CACNA2D1: variants seen among roughly 807,000 people sequenced by gnomAD.
CACNA2D1 encodes the protein calcium voltage-gated channel auxiliary subunit alpha2delta 1.
CACNA2D1 carries 53 observed loss-of-function variants against 171.5 expected under a neutral mutation model. The ratio of observed to expected loss-of-function variants is 0.31; its 90% CI spans 0.25 to 0.39. CACNA2D1 has a LOEUF of 0.39. CACNA2D1 is among the 10% of genes least tolerant of loss of function. The probability of loss-of-function intolerance (pLI) is 1.00; values close to 1 mark genes in which losing one functional copy is unlikely to be tolerated. For synonymous variants in CACNA2D1, 442 were observed against 443.1 expected, an observed-to-expected ratio of 1.00 and a Z score of 0.03; for missense variants, 903 against 1,299.8, an observed-to-expected ratio of 0.69 and a Z score of 4.69.
intron 3 of CACNA2D1, among the ~76,000 whole-genome samples, chr7:82,249,918 T>G (rs1466849064): frequency 6.6e-6 from 1 of 152,214 alleles, no homozygotes; most frequent in African/African-American, 2.4e-5. Flanking sequence ...CTTAGTCCAT[T>G]TTCTGCTGCT....
chr7:82,067,428 T>C lies in CACNA2D1; in HGVS notation c.659-904A>G, dbSNP rs1807783181. 1.3e-5 allele frequency among the ~76,000 whole-genome samples: 2 copies of C among 152,198 alleles called. 1 individual carries two copies. The highest frequency in any genetic ancestry group is 4.1e-4 in the South Asian group (2 of 4,836). ...AAACTGTGGAAATTATGAAGAACTTTACTGAGAGTCAGGTTTATTAGCCAA... is the reference window on the plus strand; with the variant it reads ...AAACTGTGGAAATTATGAAGAACTTCACTGAGAGTCAGGTTTATTAGCCAA... On this transcript the variant is annotated intron_variant, in intron 7 of 38. Coordinates refer to ENST00000356860, the MANE Select transcript of CACNA2D1 (RefSeq NM_000722.4).
At chr7:82,251,045 G>A (rs38554) in intron 3 of CACNA2D1, among the ~76,000 whole-genome samples, 86,168 of 151,958 alleles carry the variant, frequency 0.57, 26,687 homozygotes, top group African/African-American at 0.84. Context: ...CACATAACAA[G>A]TCAGATATCT....
At chr7:82,385,647 GTTGTTTTGTTTTGTT>G (rs36232215) in intron 1 of CACNA2D1, among the ~76,000 whole-genome samples, 1 of 145,954 alleles carries the variant, frequency 6.9e-6, no homozygotes, top group Non-Finnish European at 1.5e-5. Flanking sequence ...GGGTTTTTTG[GTTGTTTTGTTTTGTT>G]TTGTTTTGTT....
At chr7:82,271,530 A>T (rs1393232750) in intron 3 of CACNA2D1, among the ~76,000 whole-genome samples, 1 of 152,162 alleles carries the variant, frequency 6.6e-6, no homozygotes, top group Admixed American at 6.6e-5. Context: ...TTTCTAATTT[A>T]TTGATTGTGG....
chr7:82,188,703 T>G (rs940110285), intron 3 of CACNA2D1, among the ~76,000 whole-genome samples: 1 of 152,044 alleles, frequency 6.6e-6, no homozygotes, highest in South Asian at 2.1e-4. Context: ...CATCCTACCA[T>G]AGACACATGC....
At chr7:82,212,966 T>A (rs1800725020) in intron 3 of CACNA2D1, among the ~76,000 whole-genome samples, 1 of 151,920 alleles carries the variant, frequency 6.6e-6, no homozygotes, top group Admixed American at 6.6e-5. Context: ...AATGGTGCGA[T>A]CTCAGCTCAC....
At chr7:82,057,375 AG>A (rs1194419875) in intron 10 of CACNA2D1, among the ~76,000 whole-genome samples, 3 of 152,118 alleles carry the variant, frequency 2.0e-5, no homozygotes, top group Non-Finnish European at 4.4e-5. Context: ...CACTTGGGAA[AG>A]GTGTACTTCT....
rs559495200 is a variant in CACNA2D1 at position 82,038,008 on chromosome 7, T to G, written c.1038+69A>C. ...ATCTAATCCCAGAGAGTAGTAACTA[T>G]CAGAATATTGAAATTCAGATACTAC... On this transcript the variant is annotated intron_variant, in intron 11 of 38. Transcript: ENST00000356860. 66 of 1,458,108 alleles carry G rather than the reference T, an allele frequency of 4.5e-5. No homozygotes were observed. In the Admixed American group the frequency reaches 1.1e-3, roughly 24 times the overall value. The allele number at this position is 1,458,108 out of a possible 1,614,324, so 90.3% of individuals were successfully genotyped here.
At chr7:82,138,109 T>G (rs533876259) in intron 4 of CACNA2D1, among the ~76,000 whole-genome samples, 1 of 152,316 alleles carries the variant, frequency 6.6e-6, no homozygotes, top group African/African-American at 2.4e-5. Context: ...TGTATAACTG[T>G]ACATTATAAA....
At chr7:82,235,778 C>T (rs78290004) in intron 3 of CACNA2D1, among the ~76,000 whole-genome samples, 3,090 of 152,008 alleles carry the variant, frequency 0.02, 113 homozygotes, top group African/African-American at 0.071. Context: ...GAGGATATTT[C>T]GGCTTTGAGA....
chr7:82,002,160 T>TC (rs1798685343), intron 18 of CACNA2D1, among the ~76,000 whole-genome samples: 1 of 152,022 alleles, frequency 6.6e-6, no homozygotes, highest in South Asian at 2.1e-4. Context: ...GATGATGGTA[T>TC]CCAAAGGCTT....
intron 3 of CACNA2D1, among the ~76,000 whole-genome samples, chr7:82,325,017 C>A (rs1816471995): frequency 6.6e-6 from 1 of 152,150 alleles, no homozygotes; most frequent in African/African-American, 2.4e-5. Flanking sequence ...CCTACTTGGC[C>A]TTTCGCTGTC....
At chr7:82,392,969 G>A (rs1402208305) in intron 1 of CACNA2D1, among the ~76,000 whole-genome samples, 1 of 150,194 alleles carries the variant, frequency 6.7e-6, no homozygotes. Flanking sequence ...ACAGGTTATA[G>A]GTAATTGGTC....
chr7:82,070,989 A>G (rs762881925), intron 7 of CACNA2D1, among the ~76,000 whole-genome samples: 1 of 152,184 alleles, frequency 6.6e-6, no homozygotes, highest in Non-Finnish European at 1.5e-5. Context: ...AATTATTTCT[A>G]GACTAAATTT....
At chr7:82,383,011 A>G (rs1161191781) in intron 1 of CACNA2D1, among the ~76,000 whole-genome samples, 1 of 152,148 alleles carries the variant, frequency 6.6e-6, no homozygotes, top group Non-Finnish European at 1.5e-5. Flanking sequence ...GATTTCTTCT[A>G]AATCTTCAGC....
rs1250139600 is a variant in CACNA2D1 at position 82,150,284 on chromosome 7, A to AC, written c.355-13609_355-13608insG. 2.4e-3 allele frequency among the ~76,000 whole-genome samples: 331 copies of AC among 137,384 alleles called. 8 individuals carry two copies. Among genetic ancestry groups the AC allele is most frequent in the Non-Finnish European group, 4.1e-3 (259 of 62,620 alleles). The allele number at this position is 137,384 out of a possible 152,430, so 90.1% of individuals were successfully genotyped here. A position where few individuals can be genotyped will look rare whatever the true frequency, so the allele number is the denominator to read the frequency against. Reference sequence around the variant, plus strand: ...AAAAAAAAAAACAAAAACAACAACAAAAAAAAACACCCTAGTAGCTGGGTT... The same window carrying AC: ...AAAAAAAAAAACAAAAACAACAACAACAAAAAAACACCCTAGTAGCTGGGTT... On this transcript the variant is annotated intron_variant, in intron 4 of 38. Transcript: ENST00000356860.
intron 3 of CACNA2D1, among the ~76,000 whole-genome samples, chr7:82,325,525 A>G (rs1585502817): frequency 6.6e-6 from 1 of 152,224 alleles, no homozygotes; most frequent in Admixed American, 6.5e-5. Context: ...TTAACTGGAC[A>G]AATGACAGAC....
At chr7:82,292,807 G>A (rs553681328) in intron 3 of CACNA2D1, among the ~76,000 whole-genome samples, 1 of 151,330 alleles carries the variant, frequency 6.6e-6, no homozygotes, top group Non-Finnish European at 1.5e-5. Context: ...ATTATACATG[G>A]GTATATATAA....
intron 3 of CACNA2D1, among the ~76,000 whole-genome samples, chr7:82,326,521 A>G (rs1419121672): frequency 6.6e-6 from 1 of 152,196 alleles, no homozygotes; most frequent in Non-Finnish European, 1.5e-5. Flanking sequence ...ATAGTGTTAG[A>G]AATATATGGA....
Sources: allele counts gnomAD v4.1 joint callset (sites outside exome capture counted in the v4.1 genomes callset), GRCh38; gene constraint gnomAD v4.1.1; transcripts MANE v1.5; gene names NCBI Gene and HGNC (gene_info 2026-07-23, HGNC 2026-07-21).